Variants in THOC2 observed in about 807,000 individuals in gnomAD.
THOC2 encodes the protein THO complex 2.
In THOC2, 10 loss-of-function variants were observed where a neutral mutation model predicts 128.4. The ratio of observed to expected loss-of-function variants is 0.08; its 90% confidence interval spans 0.05 to 0.13. THOC2 has a LOEUF of 0.13. THOC2 is among the 10% of genes least tolerant of loss of function. The pLI is 1.00. For missense variants in THOC2, 535 were observed against 1,155.7 expected, an observed-to-expected ratio of 0.46 and a Z score of 7.79; for synonymous variants, 393 against 396.9, an observed-to-expected ratio of 0.99 and a Z score of 0.12.
At position 123,622,741 on chromosome X, in the gene THOC2, T is replaced by C; in HGVS notation, c.3785+17A>G. 1 of 1,008,574 alleles carries C rather than the reference T, an allele frequency of 9.9e-7. No homozygotes were observed. The highest frequency in any genetic ancestry group is 1.4e-6 in the Non-Finnish European group (1 of 728,369). The allele number at this position is 1,008,574 out of a possible 1,213,427, so 83.1% of individuals were successfully genotyped here. A position where few individuals can be genotyped will look rare whatever the true frequency, so the allele number is the denominator to read the frequency against. ...AAAAAGAATTTAGAATTATGACACA[T>C]GGCACAGTGTTCCTACCTGTTAGAG... On this transcript the variant is annotated intron_variant, in intron 30 of 38. Coordinates refer to ENST00000245838, the MANE Select transcript of THOC2 (RefSeq NM_001081550.2).
chrX:123,684,871 G>A (rs975789416), intron 8 of THOC2, among the ~76,000 whole-genome samples: 8 of 112,200 alleles, frequency 7.1e-5, no homozygotes, highest in Admixed American at 9.4e-5. Context: ...TATCATTTAA[G>A]AATACTAAAA....
intron 12 of THOC2, 81 bp downstream of exon 12, chrX:123,665,561 T>C: frequency 1.5e-6 from 1 of 674,217 alleles, no homozygotes; most frequent in South Asian, 5.4e-5. Context: ...CATATTTTTA[T>C]TTCTAAAGAT....
At chrX:123,640,706 G>A (rs971959452) in intron 15 of THOC2, 84 bp from the exon 16 acceptor site, 1 of 509,938 alleles carries the variant, frequency 2.0e-6, no homozygotes, top group Admixed American at 3.9e-5. Flanking sequence ...CATCGTGGGG[G>A]AAAAAGCAAT....
rs2048079347 is a variant in THOC2, at chrX:123,645,324, A to T, written c.1428+10T>A. On this transcript the variant is annotated intron_variant, in intron 13 of 38. Transcript: ENST00000245838. ...ATTAGACACATTATTGGATTTTTCT[A>T]GTCTCTTACCGTTTTTTCTTTATCT... 7.1e-6 allele frequency: 8 copies of T among 1,129,500 alleles called. No individual in the cohort carries two copies. The highest frequency in any genetic ancestry group is 9.5e-6 in the Non-Finnish European group (8 of 838,194). The allele number at this position is 1,129,500 out of a possible 1,213,427, so 93.1% of individuals were successfully genotyped here.
chrX:123,637,932 C>T (rs1032325941), intron 18 of THOC2, 111 bp downstream of exon 18: 3 of 517,680 alleles, frequency 5.8e-6, no homozygotes, highest in African/African-American at 2.4e-5. Flanking sequence ...ATATTCTCAG[C>T]AACTCTTAAC....
At chrX:123,718,753 T>C (rs1022192332) in intron 1 of THOC2, among the ~76,000 whole-genome samples, 1 of 109,143 alleles carries the variant, frequency 9.2e-6, no homozygotes, top group Non-Finnish European at 1.9e-5. Flanking sequence ...AGCGAGACTC[T>C]GTCTCAAAAA....
At position 123,626,673 on chromosome X, in the gene THOC2, T is replaced by C. The variant is rs919062273; in HGVS notation, c.2758-11A>G. On this transcript the variant is annotated splice_polypyrimidine_tract_variant and intron_variant, in intron 23 of 38. Transcript: ENST00000245838. ...CTTTTTATTTGGGGGCTACAAAGAA[T>C]TCAATTAGACACTTTTCTAACTATA... 7.6e-6 allele frequency: 9 copies of C among 1,183,289 alleles called. No homozygotes were observed. Among genetic ancestry groups the C allele is most frequent in the Non-Finnish European group, 1.0e-5 (9 of 886,046 alleles).
At chrX:123,639,173 G>A in intron 16 of THOC2, 146 bp from the exon 17 acceptor site, 1 of 283,273 alleles carries the variant, frequency 3.5e-6, no homozygotes, top group East Asian at 5.3e-5. Flanking sequence ...TTAACAAAGT[G>A]GTTTCTATAT....
chrX:123,662,966 T>C (rs1370527240), intron 12 of THOC2, among the ~76,000 whole-genome samples: 1 of 111,930 alleles, frequency 8.9e-6, no homozygotes, highest in African/African-American at 3.2e-5. Context: ...CAAGTGTTGG[T>C]GGGAATGTGG....
chrX:123,658,805 A>C (rs2048710640), intron 12 of THOC2, among the ~76,000 whole-genome samples: 1 of 111,614 alleles, frequency 9.0e-6, no homozygotes, highest in Non-Finnish European at 1.9e-5. Context: ...ATCCTGATGT[A>C]AACTATGGAC....
At chrX:123,616,056 G>A (rs2046881837) in intron 33 of THOC2, among the ~76,000 whole-genome samples, 1 of 111,031 alleles carries the variant, frequency 9.0e-6, no homozygotes, top group South Asian at 3.8e-4. Flanking sequence ...GTCCTTTCCA[G>A]CAGTTCTCAT....
intron 24 of THOC2, 56 bp downstream of exon 24, chrX:123,626,465 T>A: frequency 9.1e-7 from 1 of 1,093,096 alleles, no homozygotes; most frequent in South Asian, 2.2e-5. Flanking sequence ...AAAGTTATAA[T>A]GTTTTGTTTT....
intron 16 of THOC2, 140 bp from the exon 17 acceptor site, chrX:123,639,167 C>T (rs978791037): frequency 3.4e-6 from 1 of 291,617 alleles, no homozygotes; most frequent in African/African-American, 2.8e-5. Flanking sequence ...AAATATTTAA[C>T]AAAGTGGTTT....
chrX:123,683,657 G>A (rs1289304594), intron 8 of THOC2, among the ~76,000 whole-genome samples: 2 of 108,209 alleles, frequency 1.8e-5, no homozygotes, highest in East Asian at 5.8e-4. Context: ...GGAGTGCAAT[G>A]GCATGATCTC....
intron 1 of THOC2, among the ~76,000 whole-genome samples, chrX:123,724,778 G>A (rs1179207339): frequency 7.2e-5 from 8 of 111,491 alleles, no homozygotes; most frequent in Admixed American, 1.9e-4. Flanking sequence ...AGTAGCTCAC[G>A]TCTGTAATCC....
chrX:123,619,319 A>G (rs2047004202), intron 33 of THOC2, 82 bp downstream of exon 33: 2 of 557,363 alleles, frequency 3.6e-6, no homozygotes, highest in Non-Finnish European at 6.0e-6. Context: ...TACTGAATGT[A>G]CTAGGGTGAG....
chrX:123,615,604 AAAG>A (rs1383727119), intron 33 of THOC2, among the ~76,000 whole-genome samples: 9 of 104,740 alleles, frequency 8.6e-5, no homozygotes, highest in African/African-American at 1.4e-4. Context: ...TGCAATACTC[AAAG>A]AAGACTTCTC....
At position 123,610,976 on chromosome X, in the gene THOC2, T is replaced by C. The variant is rs2046679414; in HGVS notation, c.4755-13A>G. 8.3e-7 allele frequency: 1 copy of C among 1,205,295 alleles called. No homozygotes were observed. The highest frequency in any genetic ancestry group is 1.8e-5 in the African/African-American group (1 of 56,864). On this transcript the variant is annotated splice_polypyrimidine_tract_variant and intron_variant, in intron 37 of 38. Transcript: ENST00000245838. ...CGAGGACTTATGAGTAGATGACAAA[T>C]TAAGGGAAAACAACTTTTGGGAATG...
intron 22 of THOC2, among the ~76,000 whole-genome samples, chrX:123,628,477 A>G (rs2147620244): frequency 9.0e-6 from 1 of 111,661 alleles, no homozygotes; most frequent in East Asian, 2.8e-4. Context: ...AAGCTGGATC[A>G]AGAGACCAAG....
Sources: allele counts gnomAD v4.1 joint callset (sites outside exome capture counted in the v4.1 genomes callset), GRCh38; gene constraint gnomAD v4.1.1; transcripts MANE v1.5; gene names NCBI Gene and HGNC (gene_info 2026-07-23, HGNC 2026-07-21).